Variants in OSTM1 observed in about 807,000 individuals in gnomAD.
OSTM1 encodes osteoclastogenesis associated transmembrane protein 1, also known as osteopetrosis-associated transmembrane protein 1.
In OSTM1, 26 loss-of-function variants were observed where a neutral mutation model predicts 35.4. The ratio of observed to expected loss-of-function variants is 0.73; its 90% CI spans 0.54 to 1.02. OSTM1 has a LOEUF of 1.02. Among genes scored for constraint, OSTM1 ranks in the 50% least tolerant of loss-of-function variants. The pLI is 0.00. For synonymous variants in OSTM1, 181 were observed against 165.0 expected (o/e 1.10, Z -0.75); for missense variants, 366 against 409.6 (o/e 0.89, Z 0.92).
intron 1 of OSTM1, among the ~76,000 whole-genome samples, chr6:108,070,899 A>G (rs113976732): frequency 0.068 from 10,152 of 150,260 alleles, 705 homozygotes; most frequent in African/African-American, 0.18. Context: ...TCAAAAAAAA[A>G]AAAAAAGGGC....
chr6:108,049,036 C>A (rs1772030388), intron 5 of OSTM1, among the ~76,000 whole-genome samples: 1 of 152,098 alleles, frequency 6.6e-6, no homozygotes, highest in Non-Finnish European at 1.5e-5. Flanking sequence ...CAGGCATGAG[C>A]CACTGCACCT....
At position 108,042,331 on chromosome 6, in the gene OSTM1, C is replaced by G. The variant is rs1191977663; in HGVS notation, c.*2454G>C. The G allele has an allele frequency of 3.4e-5, 5 of 147,222 alleles. No individual in the cohort carries two copies. The highest frequency in any genetic ancestry group is 1.2e-4 in the African/African-American group (5 of 40,308). 9.1% of individuals were successfully genotyped at this position (147,222 alleles called of 1,614,324 possible). A position where few individuals can be genotyped will look rare whatever the true frequency, so the allele number is the denominator to read the frequency against. On this transcript the variant is annotated 3_prime_UTR_variant, in exon 6 of 6. Transcript: ENST00000193322. Reference sequence around the variant, plus strand: ...AGAAAAAATATATCTGATGTTATTTCTATCTCTCAAGTTCAACAATAAATA... The same window carrying G: ...AGAAAAAATATATCTGATGTTATTTGTATCTCTCAAGTTCAACAATAAATA...
At chr6:108,046,784 T>C (rs1771983875) in intron 5 of OSTM1, among the ~76,000 whole-genome samples, 1 of 152,246 alleles carries the variant, frequency 6.6e-6, no homozygotes, top group Non-Finnish European at 1.5e-5. Context: ...AAGCCTTCAG[T>C]AGATTTGGGA....
rs973755616 is a variant in OSTM1 at position 108,041,840 on chromosome 6, T to A, written c.*2945A>T. ...CTAGGGATCCATCCAGCTCTGGGAATCTATCATCAGATGGCCTCTAAGGTT... is the reference window on the plus strand; with the variant it reads ...CTAGGGATCCATCCAGCTCTGGGAAACTATCATCAGATGGCCTCTAAGGTT... On this transcript the variant is annotated 3_prime_UTR_variant, in exon 6 of 6. Coordinates refer to ENST00000193322, the MANE Select transcript of OSTM1 (RefSeq NM_014028.4). 6.6e-6 allele frequency: 1 copy of A among 152,194 alleles called. No individual in the cohort carries two copies. The highest frequency in any genetic ancestry group is 1.5e-5 in the Non-Finnish European group (1 of 68,024). The allele number at this position is 152,194 out of a possible 1,614,324, so 9.4% of individuals were successfully genotyped here. A position where few individuals can be genotyped will look rare whatever the true frequency, so the allele number is the denominator to read the frequency against.
chr6:108,071,312 TG>T (rs1772478265), intron 1 of OSTM1, among the ~76,000 whole-genome samples: 1 of 151,954 alleles, frequency 6.6e-6, no homozygotes, highest in African/African-American at 2.4e-5. Flanking sequence ...TGTTTTGTTT[TG>T]GTTTTTTTTT....
chr6:108,072,338 G>T (rs1007029750), intron 1 of OSTM1, among the ~76,000 whole-genome samples: 4 of 152,018 alleles, frequency 2.6e-5, no homozygotes, highest in African/African-American at 9.7e-5. Context: ...TATTTACCTC[G>T]AAAATATGTC....
At chr6:108,062,704 T>A (rs187144418) in intron 2 of OSTM1, among the ~76,000 whole-genome samples, 1 of 152,154 alleles carries the variant, frequency 6.6e-6, no homozygotes, top group African/African-American at 2.4e-5. Flanking sequence ...AATTTTTTAT[T>A]TTTTGTTGAG....
At chr6:108,057,517 T>C (rs1180339372) in intron 2 of OSTM1, among the ~76,000 whole-genome samples, 3 of 152,182 alleles carry the variant, frequency 2.0e-5, no homozygotes, top group Non-Finnish European at 2.9e-5. Flanking sequence ...TAGTATAAAG[T>C]GCATTATCAT....
At position 108,046,168 on chromosome 6, in the gene OSTM1, ATTT is replaced by A. The variant is rs750495431; in HGVS notation, c.950-1331_950-1329del. ...AGGTGCCCACCACCACGCCCAGCTAATTTTTTTTTTTTTTTTTTTTTTTTGGTA... is the reference window on the plus strand; with the variant it reads ...AGGTGCCCACCACCACGCCCAGCTAATTTTTTTTTTTTTTTTTTTTTGGTA... On this transcript the variant is annotated intron_variant, in intron 5 of 5. Transcript: ENST00000193322. 8.1e-3 allele frequency among the ~76,000 whole-genome samples: 754 copies of A among 93,448 alleles called. 25 individuals carry two copies. The highest frequency in any genetic ancestry group is 0.06 in the East Asian group (177 of 2,964). 61.3% of individuals were successfully genotyped at this position (93,448 alleles called of 152,430 possible).
At chr6:108,072,815 T>G (rs1562377777) in intron 1 of OSTM1, among the ~76,000 whole-genome samples, 3 of 152,090 alleles carry the variant, frequency 2.0e-5, no homozygotes, top group Admixed American at 6.6e-5. Context: ...AGGAGTGCAG[T>G]AGTGCAATCT....
chr6:108,072,765 T>G (rs990682657), intron 1 of OSTM1, among the ~76,000 whole-genome samples: 2 of 152,152 alleles, frequency 1.3e-5, no homozygotes, highest in Admixed American at 6.5e-5. Context: ...TTTTATTTAT[T>G]TATTTATTGT....
rs1771871856 is a variant in OSTM1 at position 108,041,728 on chromosome 6, T to A, written c.*3057A>T. ...AATAAAGAGCTCTATGATGTTCCACTTATTTAGTCTTAATAAGGTAGGGAA... is the reference window on the plus strand; with the variant it reads ...AATAAAGAGCTCTATGATGTTCCACATATTTAGTCTTAATAAGGTAGGGAA... On this transcript the variant is annotated 3_prime_UTR_variant, in exon 6 of 6. Transcript: ENST00000193322. The A allele has an allele frequency of 6.6e-6, 1 of 152,200 alleles. No homozygotes were observed. The highest frequency in any genetic ancestry group is 1.5e-5 in the Non-Finnish European group (1 of 68,034). 9.4% of individuals were successfully genotyped at this position (152,200 alleles called of 1,614,324 possible).
chr6:108,056,528 CA>C (rs1423578062), intron 2 of OSTM1, among the ~76,000 whole-genome samples: 1 of 152,196 alleles, frequency 6.6e-6, no homozygotes, highest in East Asian at 1.9e-4. Context: ...TCAGAGTTAG[CA>C]ACTGAGATGA....
At chr6:108,065,705 C>G (rs1046241169) in intron 1 of OSTM1, among the ~76,000 whole-genome samples, 1 of 152,188 alleles carries the variant, frequency 6.6e-6, no homozygotes, top group African/African-American at 2.4e-5. Flanking sequence ...ACTCAGCACA[C>G]TGTCTGGCAC....
In OSTM1 at chr6:108,074,376, G is replaced by A; in HGVS notation, c.276C>T (p.Ala92=). The change falls in exon 1 of 6, where the codon GCC becomes GCT. Residue 92 remains alanine (A), a synonymous_variant. Transcript: ENST00000193322. ...PECRELLLDF[A]NSSAELTGCL... Reference sequence around the variant, plus strand: ...ACCCTGTCAGCTCTGCGCTGCTGTTGGCGAAGTCCAGCAGGAGCTCCCGGC... The same window carrying A: ...ACCCTGTCAGCTCTGCGCTGCTGTTAGCGAAGTCCAGCAGGAGCTCCCGGC... The A allele has an allele frequency of 1.3e-6, 2 of 1,593,656 alleles. No homozygotes were observed. Among genetic ancestry groups the A allele is most frequent in the Admixed American group, 1.8e-5 (1 of 56,324 alleles).
chr6:108,061,347 A>T (rs1478064674), intron 2 of OSTM1, among the ~76,000 whole-genome samples: 2 of 152,158 alleles, frequency 1.3e-5, no homozygotes, highest in South Asian at 2.1e-4. Context: ...CAAATTTTTA[A>T]TCTATCCTTC....
chr6:108,047,615 G>C (rs1045418223), intron 5 of OSTM1, among the ~76,000 whole-genome samples: 1 of 152,190 alleles, frequency 6.6e-6, no homozygotes, highest in African/African-American at 2.4e-5. Context: ...CGTTAGTACA[G>C]ATAAGAGATG....
chr6:108,043,436 A>G lies in OSTM1; in HGVS notation c.*1349T>C, dbSNP rs1402001973. On this transcript the variant is annotated 3_prime_UTR_variant, in exon 6 of 6. Transcript: ENST00000193322. The stretch of plus-strand genomic sequence containing the variant: ...AAAGAAACACTTTGTCTCCCTATAG[A>G]GCATTTTATAGTATAGGAAGGGATT... 6.6e-6 allele frequency: 1 copy of G among 152,194 alleles called. No homozygotes were observed. The highest frequency in any genetic ancestry group is 2.4e-5 in the African/African-American group (1 of 41,450). The allele number at this position is 152,194 out of a possible 1,614,324, so 9.4% of individuals were successfully genotyped here.
chr6:108,049,132 CAG>C, intron 5 of OSTM1, 119 bp downstream of exon 5: 1 of 686,534 alleles, frequency 1.5e-6, no homozygotes, highest in Admixed American at 2.6e-5. Context: ...AAACTTAAAG[CAG>C]AGAGTCCTTT....
Sources: gnomAD v4.1 joint callset for allele counts (sites outside exome capture counted in the v4.1 genomes callset) on GRCh38, gnomAD v4.1.1 for gene constraint, MANE v1.5 for transcripts, NCBI Gene and HGNC (gene_info 2026-07-23, HGNC 2026-07-21) for gene names.